The following SEMA6A variants were observed in gnomAD, a reference collection of about 807,000 sequenced individuals.
SEMA6A encodes semaphorin-6A.
Under a neutral mutation model 96.8 loss-of-function variants are expected in SEMA6A, and 25 were observed. The observed-to-expected ratio is 0.26, with a 90% CI of 0.19 to 0.36. SEMA6A has a LOEUF of 0.36. Among genes scored for constraint, SEMA6A ranks in the 10% least tolerant of loss-of-function variants. SEMA6A has a pLI of 1.00. For missense variants in SEMA6A, 1,363 were observed against 1,323.1 expected (o/e 1.03, Z -0.47); for synonymous variants, 612 against 518.0 (o/e 1.18, Z -2.46).
At chr5:116,508,253 A>G (rs1758241928) in intron 1 of SEMA6A, 1 of 152,238 alleles carries the variant, frequency 6.6e-6, no homozygotes, top group Non-Finnish European at 1.5e-5. Context: ...TTTAAAAATA[A>G]TAAATTCTTT....
At chr5:116,464,135 A>G (rs568763474) in intron 18 of SEMA6A, among the ~76,000 whole-genome samples, 2 of 152,350 alleles carry the variant, frequency 1.3e-5, no homozygotes, top group African/African-American at 4.8e-5. Flanking sequence ...TTTCTTATTT[A>G]TATGTGATTA....
At chr5:116,527,738 C>CA (rs1431921877) in intron 1 of SEMA6A, among the ~76,000 whole-genome samples, 2 of 152,100 alleles carry the variant, frequency 1.3e-5, no homozygotes, top group Non-Finnish European at 1.5e-5. Flanking sequence ...TCTTCGTAGT[C>CA]AGAGTTAACA....
Position 116,446,571 on chromosome 5 carries a change from G to A in SEMA6A, c.*42C>T, listed in dbSNP as rs1444211858. The A allele has an allele frequency of 2.6e-5, 37 of 1,441,748 alleles. No individual in the cohort carries two copies. Among genetic ancestry groups the A allele is most frequent in the African/African-American group, 4.3e-5 (3 of 69,578 alleles). The allele number at this position is 1,441,748 out of a possible 1,614,324, so 89.3% of individuals were successfully genotyped here. On this transcript the variant is annotated 3_prime_UTR_variant, in exon 19 of 19. Coordinates refer to ENST00000343348, the MANE Select transcript of SEMA6A (RefSeq NM_020796.5). ...CCTTGCTGAGCTGAGCGGGCACCTC[G>A]CCTTGCCTGCTGGTTCGACACCTGA...
At chr5:116,544,968 A>G (rs779911740) in intron 1 of SEMA6A, among the ~76,000 whole-genome samples, 3 of 152,054 alleles carry the variant, frequency 2.0e-5, no homozygotes, top group Non-Finnish European at 4.4e-5. Flanking sequence ...TCCAGTCCTA[A>G]TCACTAGCTC....
At chr5:116,459,230 C>T (rs1231585705) in intron 18 of SEMA6A, among the ~76,000 whole-genome samples, 2 of 152,094 alleles carry the variant, frequency 1.3e-5, no homozygotes, top group Admixed American at 1.3e-4. Context: ...AAAATGCCAG[C>T]GATGTGTAGT....
intron 1 of SEMA6A, among the ~76,000 whole-genome samples, chr5:116,515,086 G>C (rs1758604364): frequency 6.6e-6 from 1 of 152,196 alleles, no homozygotes; most frequent in African/African-American, 2.4e-5. Flanking sequence ...GTTCACTGTG[G>C]AGGGGGCAGG....
chr5:116,494,489 C>A (rs1308197481), intron 6 of SEMA6A, among the ~76,000 whole-genome samples: 1 of 152,154 alleles, frequency 6.6e-6, no homozygotes, highest in South Asian at 2.1e-4. Context: ...GATGTGGGAA[C>A]AACAGGTAGG....
chr5:116,480,033 T>C, intron 12 of SEMA6A, 89 bp downstream of exon 12: 1 of 1,453,434 alleles, frequency 6.9e-7, no homozygotes, highest in Non-Finnish European at 9.5e-7. Flanking sequence ...AAGATGTTTG[T>C]GGCATTTCAA....
intron 10 of SEMA6A, among the ~76,000 whole-genome samples, chr5:116,482,959 T>G (rs1163065602): frequency 6.6e-6 from 1 of 152,234 alleles, no homozygotes; most frequent in Non-Finnish European, 1.5e-5. Flanking sequence ...TCACTAATAT[T>G]GGTGAAAATT....
intron 18 of SEMA6A, among the ~76,000 whole-genome samples, chr5:116,456,954 TCTC>T (rs1244818108): frequency 6.6e-6 from 1 of 152,180 alleles, no homozygotes; most frequent in Non-Finnish European, 1.5e-5. Context: ...CGAAGGTTCT[TCTC>T]CTTTATATTC....
chr5:116,527,514 T>C (rs1459752178), intron 1 of SEMA6A, among the ~76,000 whole-genome samples: 1 of 152,188 alleles, frequency 6.6e-6, no homozygotes, highest in Non-Finnish European at 1.5e-5. Context: ...CAATAAGCCA[T>C]GAAAAGTTGA....
rs573010276 is a variant in SEMA6A, at chr5:116,520,637, A to C, written c.-38-15655T>G. Among the ~76,000 whole-genome samples the C allele has an allele frequency of 2.2e-4, 33 of 152,276 alleles. No individual in the cohort carries two copies. In the South Asian group the frequency reaches 6.6e-3, roughly 31 times the overall value. On this transcript the variant is annotated intron_variant, in intron 1 of 18. Transcript: ENST00000343348. The stretch of plus-strand genomic sequence containing the variant: ...TCAATGGGTAGAAACTATAAAGATG[A>C]TTTCTGCTCAAAATAGGGAGGAACT...
chr5:116,474,321 T>C (rs1325797731), intron 16 of SEMA6A, among the ~76,000 whole-genome samples: 1 of 143,834 alleles, frequency 7.0e-6, no homozygotes, highest in Non-Finnish European at 1.5e-5. Flanking sequence ...TCTTAAAACC[T>C]GTTTCCTTGC....
At chr5:116,530,342 G>A (rs1759411297) in intron 1 of SEMA6A, among the ~76,000 whole-genome samples, 2 of 152,060 alleles carry the variant, frequency 1.3e-5, no homozygotes, top group African/African-American at 2.4e-5. Context: ...TGTTATGCAT[G>A]GTCTTAATTT....
intron 1 of SEMA6A, among the ~76,000 whole-genome samples, chr5:116,573,068 C>G (rs1475684512): frequency 6.6e-6 from 1 of 151,734 alleles, no homozygotes; most frequent in Non-Finnish European, 1.5e-5. Flanking sequence ...CCTCAGGATC[C>G]TGTTTTGCAC....
rs549874740 is a variant in SEMA6A, at chr5:116,471,715, C to T, written c.1729+1358G>A. On this transcript the variant is annotated intron_variant, in intron 17 of 18. Coordinates refer to ENST00000343348, the MANE Select transcript of SEMA6A (RefSeq NM_020796.5). ...GAGGCCAGTCAGGAGAAACCAAGCACTGTTTTCCATACCTACACAGCTCCA... is the reference window on the plus strand; with the variant it reads ...GAGGCCAGTCAGGAGAAACCAAGCATTGTTTTCCATACCTACACAGCTCCA... 1.4e-4 allele frequency: 22 copies of T among 152,300 alleles called. No homozygotes were observed. The East Asian group carries it at 4.2e-3, about 29-fold the overall frequency. 9.4% of individuals were successfully genotyped at this position (152,300 alleles called of 1,614,324 possible).
intron 18 of SEMA6A, among the ~76,000 whole-genome samples, chr5:116,452,009 G>GGCAAAGT: frequency 6.6e-6 from 1 of 152,268 alleles, no homozygotes; most frequent in African/African-American, 2.4e-5. Context: ...AAGGGCAAAG[G>GGCAAAGT]GCAACAGGCT....
At chr5:116,539,644 T>A (rs904988759) in intron 1 of SEMA6A, among the ~76,000 whole-genome samples, 9 of 151,746 alleles carry the variant, frequency 5.9e-5, no homozygotes, top group Admixed American at 5.9e-4. Flanking sequence ...ACTCCTGTAA[T>A]CCCCTTCAAA....
chr5:116,452,469 G>C (rs532967915), intron 18 of SEMA6A, among the ~76,000 whole-genome samples: 6 of 150,908 alleles, frequency 4.0e-5, no homozygotes, highest in Non-Finnish European at 8.8e-5. Flanking sequence ...GCTGGAGGGA[G>C]ACCTCAGAGA....
Sources: allele counts gnomAD v4.1 joint callset (sites outside exome capture counted in the v4.1 genomes callset), GRCh38; gene constraint gnomAD v4.1.1; transcripts MANE v1.5; gene names NCBI Gene and HGNC (gene_info 2026-07-23, HGNC 2026-07-21).